AGL: variants seen among roughly 807,000 people sequenced by gnomAD.
AGL encodes the protein amylo-alpha-1,6-glucosidase and 4-alpha-glucanotransferase, also known as glycogen debranching enzyme.
AGL carries 128 observed loss-of-function variants against 199.3 expected under a neutral mutation model. The observed-to-expected ratio is 0.64, with a 90% CI of 0.56 to 0.74. The LOEUF (loss-of-function observed/expected upper bound fraction) is 0.74, where lower values mean the gene tolerates loss of function less well. Ranked by LOEUF, AGL falls within the 30% of genes least tolerant of loss-of-function variation. The pLI, the probability that AGL is intolerant of heterozygous loss-of-function variation, is 0.00. For missense variants in AGL, 1,809 were observed against 1,820.8 expected (o/e 0.99, Z 0.12); for synonymous variants, 584 against 594.7 (o/e 0.98, Z 0.26).
chr1:99,902,624 G>C, intron 26 of AGL, 59 bp from the exon 27 acceptor site: 1 of 1,330,056 alleles, frequency 7.5e-7, no homozygotes, highest in Non-Finnish European at 1.1e-6. Context: ...GTCGGATTTG[G>C]GGGAAAATAA....
chr1:99,909,174 A>G (rs561807102), intron 27 of AGL, among the ~76,000 whole-genome samples: 1 of 151,932 alleles, frequency 6.6e-6, no homozygotes, highest in South Asian at 2.1e-4. Context: ...CACTGTCCCT[A>G]ACGACCTGCT....
Position 99,881,074 on chromosome 1 carries a change from A to G in AGL, c.1900-2A>G, listed in dbSNP as rs1254391875. 1 of 1,612,560 alleles carries G rather than the reference A, an allele frequency of 6.2e-7. No homozygotes were observed. Among genetic ancestry groups the G allele is most frequent in the African/African-American group, 1.3e-5 (1 of 74,878 alleles). ...TTTTGCTTTGTTGTTGTTGTCTTCTAGCATAGATCAGCGTATGATGCTCTT... is the reference window on the plus strand; with the variant it reads ...TTTTGCTTTGTTGTTGTTGTCTTCTGGCATAGATCAGCGTATGATGCTCTT... On this transcript the variant is annotated splice_acceptor_variant, in intron 14 of 33. Transcript: ENST00000361915. LOFTEE classifies it high-confidence loss of function.
At chr1:99,884,531 C>A in intron 19 of AGL, 38 bp from the exon 20 acceptor site, 4 of 1,609,556 alleles carry the variant, frequency 2.5e-6, no homozygotes, top group Non-Finnish European at 3.4e-6. Flanking sequence ...GAATAAATTA[C>A]TCCTAAAAAT....
In AGL at chr1:99,851,058, C is replaced by T. The variant is rs113994126; in HGVS notation, c.16C>T (p.Gln6Ter). 48 of 1,613,844 alleles carry T rather than the reference C, an allele frequency of 3.0e-5. No individual in the cohort carries two copies. The highest frequency in any genetic ancestry group is 4.0e-5 in the Non-Finnish European group (47 of 1,179,886). ...AGAAGCCAAAATGGGACACAGTAAACAGATTCGAATTTTACTTCTGAACGA... is the reference window on the plus strand; with the variant it reads ...AGAAGCCAAAATGGGACACAGTAAATAGATTCGAATTTTACTTCTGAACGA... MGHSK[Q>*]IRILLLNEME... is the part of the protein sequence containing the mutation. Residue 6 changes from glutamine to a stop codon, truncating the protein, a stop_gained, in exon 2 of 34, where the codon CAG (glutamine) becomes TAG (stop). Coordinates refer to ENST00000361915, the MANE Select transcript of AGL (RefSeq NM_000642.3). LOFTEE classifies it high-confidence loss of function.
At chr1:99,853,739 A>G (rs1456800452) in intron 2 of AGL, among the ~76,000 whole-genome samples, 2 of 152,118 alleles carry the variant, frequency 1.3e-5, no homozygotes, top group Non-Finnish European at 2.9e-5. Context: ...AAGAAACAAA[A>G]TTAGCTGGGC....
intron 27 of AGL, among the ~76,000 whole-genome samples, chr1:99,905,697 C>T (rs1444196685): frequency 6.6e-6 from 1 of 151,964 alleles, no homozygotes; most frequent in East Asian, 1.9e-4. Flanking sequence ...CCTCAGACTG[C>T]CAAGTAGCTG....
At chr1:99,874,552 TAGG>T in intron 7 of AGL, 132 bp from the exon 8 acceptor site, 2 of 849,192 alleles carry the variant, frequency 2.4e-6, no homozygotes, top group East Asian at 2.7e-5. Flanking sequence ...GGGGAGGAGG[TAGG>T]AGGATACCTG....
At chr1:99,883,762 A>G (rs1191588146) in intron 17 of AGL, among the ~76,000 whole-genome samples, 1 of 152,154 alleles carries the variant, frequency 6.6e-6, no homozygotes, top group African/African-American at 2.4e-5. Context: ...TTAAGTGAGG[A>G]AGTAGAACTT....
chr1:99,900,547 A>G, intron 25 of AGL, 89 bp from the exon 26 acceptor site: 1 of 1,244,188 alleles, frequency 8.0e-7, no homozygotes, highest in East Asian at 2.3e-5. Flanking sequence ...AAACGCATTC[A>G]AAATATAGTC....
At chr1:99,868,737 G>A (rs575950481) in intron 5 of AGL, among the ~76,000 whole-genome samples, 10 of 152,066 alleles carry the variant, frequency 6.6e-5, no homozygotes, top group African/African-American at 1.9e-4. Context: ...AGCTATGATT[G>A]CACCACTGCA....
chr1:99,891,118 C>T, intron 21 of AGL, 102 bp from the exon 22 acceptor site: 1 of 1,460,092 alleles, frequency 6.8e-7, no homozygotes, highest in Non-Finnish European at 9.6e-7. Context: ...TACGTATTCA[C>T]CCCAAATCAC....
At chr1:99,862,804 C>T (rs1650167064) in intron 4 of AGL, among the ~76,000 whole-genome samples, 1 of 152,180 alleles carries the variant, frequency 6.6e-6, no homozygotes, top group South Asian at 2.1e-4. Flanking sequence ...ACACCTCTCA[C>T]CAGGCCCCTC....
intron 4 of AGL, among the ~76,000 whole-genome samples, chr1:99,862,656 G>A (rs1205333122): frequency 6.6e-6 from 1 of 152,172 alleles, no homozygotes; most frequent in African/African-American, 2.4e-5. Flanking sequence ...AGGCAAAGGG[G>A]AAGCAGGCAT....
At chr1:99,879,230 G>A (rs1651810090) in intron 12 of AGL, among the ~76,000 whole-genome samples, 1 of 152,152 alleles carries the variant, frequency 6.6e-6, no homozygotes, top group African/African-American at 2.4e-5. Flanking sequence ...TTCACCAGCA[G>A]GGAATTTATG....
rs771961377 is a variant in AGL at position 99,861,538 on chromosome 1, C to T, written c.118C>T (p.Gln40Ter). 6.2e-6 allele frequency: 10 copies of T among 1,613,960 alleles called. No homozygotes were observed. Among genetic ancestry groups the T allele is most frequent in the East Asian group, 2.2e-5 (1 of 44,830 alleles). The change falls in exon 3 of 34, where the codon CAG (glutamine) becomes TAG (stop). Residue 40 changes from glutamine (Q) to a stop codon, truncating the protein, a stop_gained. Transcript: ENST00000361915. LOFTEE classifies it high-confidence loss of function. ...ACAGTTCCGATTAGGCCCAACTTTA[C>T]AGGGAAAAGCAGTTACCGTGTATAC... ...ELQFRLGPTL[Q>*]GKAVTVYTNY...
intron 28 of AGL, among the ~76,000 whole-genome samples, chr1:99,911,509 C>T (rs1185429622): frequency 1.3e-5 from 2 of 152,134 alleles, no homozygotes; most frequent in Non-Finnish European, 2.9e-5. Context: ...GTAGCACAAT[C>T]ATGGCTCACT....
intron 2 of AGL, chr1:99,852,536 ATTTTTT>A (rs58176899): frequency 5.0e-5 from 24 of 477,564 alleles, no homozygotes; most frequent in Admixed American, 7.5e-5. Context: ...TGCCCCGCTA[ATTTTTT>A]TTTTTTTTTT....
intron 5 of AGL, among the ~76,000 whole-genome samples, chr1:99,869,850 A>G (rs1427181539): frequency 6.6e-6 from 1 of 152,164 alleles, no homozygotes; most frequent in African/African-American, 2.4e-5. Flanking sequence ...GGTAGATATA[A>G]GGTTTCACTG....
chr1:99,882,419 A>G (rs78191185), intron 17 of AGL, among the ~76,000 whole-genome samples: 1,947 of 152,308 alleles, frequency 0.013, 28 homozygotes, highest in Middle Eastern at 0.088. Flanking sequence ...ATGGAAAATA[A>G]TATAACCTTA....
Sources: allele counts gnomAD v4.1 joint callset (sites outside exome capture counted in the v4.1 genomes callset), GRCh38; gene constraint gnomAD v4.1.1; transcripts MANE v1.5; gene names NCBI Gene and HGNC (gene_info 2026-07-23, HGNC 2026-07-21).